Variants in HSPB6 observed in about 807,000 individuals in gnomAD.
HSPB6 encodes the protein heat shock protein beta-6.
Under a neutral mutation model 10.7 loss-of-function variants are expected in HSPB6, and 8 were observed. The ratio of observed to expected loss-of-function variants is 0.75; its 90% CI spans 0.44 to 1.35. The LOEUF is 1.35. HSPB6 is among the 40% of genes most tolerant of loss of function. The probability of loss-of-function intolerance (pLI) is 0.00; values close to 1 mark genes in which losing one functional copy is unlikely to be tolerated. For synonymous variants in HSPB6, 128 were observed against 114.2 expected (o/e 1.12, Z -0.77); for missense variants, 232 against 236.0 (o/e 0.98, Z 0.11).
Position 35,754,929 on chromosome 19 carries a change from G to T in HSPB6, c.*593C>A. Reference sequence around the variant, plus strand: ...TCCAGAGTCTGGTGTGGCTGGCTGGGGTTTCACGGCAGAAAATGGGCTGGA... The same window carrying T: ...TCCAGAGTCTGGTGTGGCTGGCTGGTGTTTCACGGCAGAAAATGGGCTGGA... On this transcript the variant is annotated 3_prime_UTR_variant, in exon 3 of 3. Coordinates refer to ENST00000004982, the MANE Select transcript of HSPB6 (RefSeq NM_144617.3). 3.3e-6 allele frequency: 1 copy of T among 300,418 alleles called. No homozygotes were observed. The highest frequency in any genetic ancestry group is 6.5e-6 in the Non-Finnish European group (1 of 154,666). 18.6% of individuals were successfully genotyped at this position (300,418 alleles called of 1,614,324 possible). A position where few individuals can be genotyped will look rare whatever the true frequency, so the allele number is the denominator to read the frequency against.
intron 1 of HSPB6, 36 bp downstream of exon 1, chr19:35,756,775 G>A (rs2146532593): frequency 6.5e-7 from 1 of 1,530,268 alleles, no homozygotes; most frequent in African/African-American, 1.4e-5. Flanking sequence ...CCTGGCAATG[G>A]AAGTGGTCGA....
In HSPB6 at chr19:35,755,753, G is replaced by C; in HGVS notation, c.321+19C>G. 1.3e-6 allele frequency: 2 copies of C among 1,560,152 alleles called. No individual in the cohort carries two copies. Among genetic ancestry groups the C allele is most frequent in the South Asian group, 2.4e-5 (2 of 84,474 alleles). ...CGGCGAGCGTACCCGCTCCAGCCCC[G>C]CCCCACGCCGCGGCTCACCGGGCGC... On this transcript the variant is annotated intron_variant, in intron 2 of 2. Coordinates refer to ENST00000004982, the MANE Select transcript of HSPB6 (RefSeq NM_144617.3).
At position 35,755,692 on chromosome 19, in the gene HSPB6, G is replaced by A. The variant is rs766401240; in HGVS notation, c.322-9C>T. 2.6e-6 allele frequency: 4 copies of A among 1,532,398 alleles called. No homozygotes were observed. Among genetic ancestry groups the A allele is most frequent in the East Asian group, 2.5e-5 (1 of 39,608 alleles). 94.9% of individuals were successfully genotyped at this position (1,532,398 alleles called of 1,614,324 possible). On this transcript the variant is annotated splice_polypyrimidine_tract_variant and intron_variant, in intron 2 of 2. Coordinates refer to ENST00000004982, the MANE Select transcript of HSPB6 (RefSeq NM_144617.3). The stretch of plus-strand genomic sequence containing the variant: ...ACGAATCCGTGCTCATCCTGGAGGG[G>A]AGGGAGGCTTGAGCGGCCCCGCCCC...
Position 35,755,407 on chromosome 19 carries a change from G to T in HSPB6, c.*115C>A. ...GGAGGTCAGGGCAGAATCCAGGAGT[G>T]GGTGAGAGGACAGTCCTTGGCGCAC... On this transcript the variant is annotated 3_prime_UTR_variant, in exon 3 of 3. Transcript: ENST00000004982. 9.5e-7 allele frequency: 1 copy of T among 1,053,820 alleles called. No homozygotes were observed. The highest frequency in any genetic ancestry group is 1.4e-6 in the Non-Finnish European group (1 of 709,204). The allele number at this position is 1,053,820 out of a possible 1,614,324, so 65.3% of individuals were successfully genotyped here.
At chr19:35,755,925 A>G in intron 1 of HSPB6, 31 bp from the exon 2 acceptor site, 2 of 1,547,330 alleles carry the variant, frequency 1.3e-6, no homozygotes, top group Non-Finnish European at 1.7e-6. Flanking sequence ...CGGGACTGTC[A>G]TTGGGCTGGG....
At chr19:35,756,227 A>T (rs1970752588) in intron 1 of HSPB6, among the ~76,000 whole-genome samples, 1 of 151,372 alleles carries the variant, frequency 6.6e-6, no homozygotes, top group Admixed American at 6.6e-5. Flanking sequence ...CCCTCCTCAG[A>T]GCCCCGGGTC....
Sources: allele counts gnomAD v4.1 joint callset (sites outside exome capture counted in the v4.1 genomes callset), GRCh38; gene constraint gnomAD v4.1.1; transcripts MANE v1.5; gene names NCBI Gene and HGNC (gene_info 2026-07-23, HGNC 2026-07-21).